PHF20L1: variants seen among roughly 807,000 people sequenced by gnomAD.
The protein encoded by PHF20L1 is PHD finger protein 20 like 1.
In PHF20L1, 44 loss-of-function variants were observed where a neutral mutation model predicts 125.5. The ratio of observed to expected loss-of-function variants is 0.35; its 90% CI spans 0.28 to 0.45. The LOEUF is 0.45. Among genes scored for constraint, PHF20L1 ranks in the 20% least tolerant of loss-of-function variants. The probability of loss-of-function intolerance (pLI) is 1.00; values close to 1 mark genes in which losing one functional copy is unlikely to be tolerated. For synonymous variants in PHF20L1, 380 were observed against 403.1 expected (o/e 0.94, Z 0.69); for missense variants, 1,012 against 1,217.2 (o/e 0.83, Z 2.51).
intron 15 of PHF20L1, among the ~76,000 whole-genome samples, chr8:132,834,450 C>T (rs185618735): frequency 0.018 from 2,738 of 152,178 alleles, 78 homozygotes; most frequent in African/African-American, 0.062. Context: ...CCTCTTGCCT[C>T]AGCCTCCTGA....
chr8:132,837,874 G>A (rs1837538729), intron 17 of PHF20L1, 63 bp downstream of exon 17: 3 of 1,146,732 alleles, frequency 2.6e-6, no homozygotes, highest in African/African-American at 1.5e-5. Context: ...GGATTCCAGA[G>A]TGTATCAGCT....
chr8:132,796,580 G>T (rs778648841), intron 4 of PHF20L1, among the ~76,000 whole-genome samples: 4 of 152,062 alleles, frequency 2.6e-5, no homozygotes, highest in Non-Finnish European at 5.9e-5. Context: ...CATGAATATG[G>T]CTATGGTTTT....
Position 132,790,042 on chromosome 8 carries a change from T to C in PHF20L1, c.84-4368T>C, listed in dbSNP as rs116457498. On this transcript the variant is annotated intron_variant, in intron 2 of 20. Transcript: ENST00000395386. The stretch of plus-strand genomic sequence containing the variant: ...TATTTTTCCAAATTACTCATAAATG[T>C]CTGGGATTGTGCCTAATCACTATTC... Among the ~76,000 whole-genome samples the C allele has an allele frequency of 3.9e-3, 591 of 152,300 alleles. 4 individuals are homozygous for C. The highest frequency in any genetic ancestry group is 0.014 in the African/African-American group (564 of 41,566).
At chr8:132,817,989 C>T (rs1835164060) in intron 12 of PHF20L1, 1 of 152,344 alleles carries the variant, frequency 6.6e-6, no homozygotes, top group South Asian at 2.1e-4. Context: ...TATTTTGGGG[C>T]AGAATCCTCC....
At position 132,817,450 on chromosome 8, in the gene PHF20L1, A is replaced by G; in HGVS notation, c.1484A>G (p.Asn495Ser). 6.2e-7 allele frequency: 1 copy of G among 1,612,754 alleles called. No individual in the cohort carries two copies. The highest frequency in any genetic ancestry group is 8.5e-7 in the Non-Finnish European group (1 of 1,179,224). The change falls in exon 12 of 21, where the codon AAT (asparagine) becomes AGT (serine). Residue 495 changes from asparagine to serine, a missense_variant. Physicochemically the swap from Asn to Ser is conservative, Grantham distance 46 (BLOSUM62 1). Around this residue, in one of 7 missense-constraint regions of PHF20L1, gnomAD observed 320 missense variants for 293.8 expected, o/e 1.09. Transcript: ENST00000395386. ...APVASDSSYR[N>S]ECPRAEKEDT... ...GTAGCCTCAGATTCCTCTTACCGTA[A>G]TGAATGTCCCAGGGCAGAAAAAGAG... is the stretch of plus-strand genomic sequence containing the variant.
intron 12 of PHF20L1, among the ~76,000 whole-genome samples, chr8:132,823,110 T>C (rs1475041060): frequency 6.6e-6 from 1 of 151,980 alleles, no homozygotes; most frequent in Non-Finnish European, 1.5e-5. Flanking sequence ...CTATGTTTTA[T>C]TGGAATATTT....
intron 12 of PHF20L1, among the ~76,000 whole-genome samples, chr8:132,821,164 A>C (rs1279122776): frequency 6.6e-6 from 1 of 151,946 alleles, no homozygotes; most frequent in African/African-American, 2.4e-5. Context: ...AGTGTCATTC[A>C]AAGTCATCTT....
At chr8:132,806,264 A>C (rs969746419) in intron 8 of PHF20L1, 4 of 152,170 alleles carry the variant, frequency 2.6e-5, no homozygotes, top group Non-Finnish European at 4.4e-5. Context: ...AGTAAAAAAA[A>C]CAAAAAACTA....
chr8:132,817,340 G>A lies in PHF20L1; in HGVS notation c.1374G>A (p.Val458=). 1 of 1,610,734 alleles carries A rather than the reference G, an allele frequency of 6.2e-7. No homozygotes were observed. The highest frequency in any genetic ancestry group is 1.3e-5 in the African/African-American group (1 of 74,836). ...QNQQESSVPE[V]PDVAHLPLEK... ...CATTACACTCTTTATTTTGTGTAGTGCCTGATGTTGCACATTTGCCACTTG... is the reference window on the plus strand; with the variant it reads ...CATTACACTCTTTATTTTGTGTAGTACCTGATGTTGCACATTTGCCACTTG... The change falls in exon 12 of 21, where the codon GTG becomes GTA. Residue 458 remains valine (V), a splice_region_variant and synonymous_variant. Transcript: ENST00000395386.
At chr8:132,809,867 G>A (rs1586948916) in intron 8 of PHF20L1, 1 of 152,088 alleles carries the variant, frequency 6.6e-6, no homozygotes, top group African/African-American at 2.4e-5. Context: ...AATGAATTTT[G>A]GTGGCCTTTT....
At chr8:132,802,337 C>G (rs752170055) in intron 6 of PHF20L1, among the ~76,000 whole-genome samples, 1 of 151,502 alleles carries the variant, frequency 6.6e-6, no homozygotes, top group Non-Finnish European at 1.5e-5. Flanking sequence ...AGCCTTTTCT[C>G]TTTTTCCACT....
chr8:132,801,929 A>G (rs1407249772), intron 6 of PHF20L1, among the ~76,000 whole-genome samples: 2 of 151,670 alleles, frequency 1.3e-5, no homozygotes, highest in Non-Finnish European at 3.0e-5. Context: ...TATTGGAGGT[A>G]GAAAACAACT....
rs142857970 is a variant in PHF20L1, at chr8:132,830,798, G to A, written c.1745-1437G>A. Among the ~76,000 whole-genome samples the A allele has an allele frequency of 2.0e-5, 3 of 152,160 alleles. No individual in the cohort carries two copies. In the East Asian group the frequency reaches 5.8e-4, roughly 30 times the overall value. On this transcript the variant is annotated intron_variant, in intron 14 of 20. Coordinates refer to ENST00000395386, the MANE Select transcript of PHF20L1 (RefSeq NM_016018.5). Reference sequence around the variant, plus strand: ...ACATCTTAAGGTTCATGTAGGTAATGTGTAAGATTTCCCATCTTACAGAGC... The same window carrying A: ...ACATCTTAAGGTTCATGTAGGTAATATGTAAGATTTCCCATCTTACAGAGC...
chr8:132,798,027 G>T (rs1832614398), intron 4 of PHF20L1, among the ~76,000 whole-genome samples: 1 of 151,920 alleles, frequency 6.6e-6, no homozygotes, highest in Non-Finnish European at 1.5e-5. Flanking sequence ...TGAAAGCATG[G>T]GGTCTGTAAC....
At chr8:132,839,254 G>T (rs1209078987) in intron 17 of PHF20L1, 133 bp from the exon 18 acceptor site, 3 of 694,856 alleles carry the variant, frequency 4.3e-6, no homozygotes, top group Non-Finnish European at 7.6e-6. Flanking sequence ...TCAGAACGCT[G>T]TCTTACTCTT....
At chr8:132,811,758 A>G in intron 9 of PHF20L1, 1 of 985,010 alleles carries the variant, frequency 1.0e-6, no homozygotes, top group Non-Finnish European at 1.2e-6. Context: ...ATGCTTTTAC[A>G]TTCTCTAAGG....
Position 132,846,158 on chromosome 8 carries a change from A to G in PHF20L1, c.*235A>G, listed in dbSNP as rs1201704934. The G allele has an allele frequency of 1.9e-5, 8 of 421,074 alleles. No homozygotes were observed. Among genetic ancestry groups the G allele is most frequent in the Admixed American group, 3.6e-5 (1 of 27,592 alleles). The allele number at this position is 421,074 out of a possible 1,614,324, so 26.1% of individuals were successfully genotyped here. A position where few individuals can be genotyped will look rare whatever the true frequency, so the allele number is the denominator to read the frequency against. ...GCAAATGAGAATGTGTTATATGCCAAGGAACAATGAAGTAGAATATAATGT... is the reference window on the plus strand; with the variant it reads ...GCAAATGAGAATGTGTTATATGCCAGGGAACAATGAAGTAGAATATAATGT... On this transcript the variant is annotated 3_prime_UTR_variant, in exon 21 of 21. Transcript: ENST00000395386.
intron 6 of PHF20L1, among the ~76,000 whole-genome samples, chr8:132,801,822 A>G (rs1833084013): frequency 6.6e-6 from 1 of 151,798 alleles, no homozygotes; most frequent in East Asian, 1.9e-4. Context: ...TCACAGAGCT[A>G]CAGTGATTCC....
intron 4 of PHF20L1, 97 bp downstream of exon 4, chr8:132,794,914 G>T (rs1287839804): frequency 1.4e-6 from 1 of 716,348 alleles, no homozygotes; most frequent in Non-Finnish European, 2.3e-6. Flanking sequence ...TAATCATTAC[G>T]TATAACTTTT....
Sources: allele counts gnomAD v4.1 joint callset (sites outside exome capture counted in the v4.1 genomes callset), GRCh38; gene constraint gnomAD v4.1.1; regional missense constraint gnomAD v4.1.1; transcripts MANE v1.5; gene names NCBI Gene and HGNC (gene_info 2026-07-23, HGNC 2026-07-21).